Variants in UGT2B7 observed in about 807,000 individuals in gnomAD.
UGT2B7 encodes UDP glucuronosyltransferase family 2 member B7.
In UGT2B7, 51 loss-of-function variants were observed where a neutral mutation model predicts 51.9. The observed-to-expected ratio is 0.98, with a 90% CI of 0.78 to 1.24. The LOEUF is 1.24. Ranked by LOEUF, UGT2B7 falls within the 50% of genes most tolerant of loss-of-function variation. The probability of loss-of-function intolerance (pLI) is 0.00; values close to 1 mark genes in which losing one functional copy is unlikely to be tolerated. For synonymous variants in UGT2B7, 225 were observed against 211.6 expected (o/e 1.06, Z -0.55); for missense variants, 727 against 628.4 (o/e 1.16, Z -1.68).
chr4:69,080,228 A>T (rs1008385150), intron 1 of UGT2B7, among the ~76,000 whole-genome samples: 4 of 152,108 alleles, frequency 2.6e-5, no homozygotes, highest in African/African-American at 9.7e-5. Context: ...TGAAATATGA[A>T]ATATCTGATC....
At chr4:69,064,116 G>GAA (rs1250892640) in intron 1 of UGT2B7, among the ~76,000 whole-genome samples, 6 of 141,294 alleles carry the variant, frequency 4.2e-5, no homozygotes, top group East Asian at 2.1e-4. Context: ...GAAAGAAAAA[G>GAA]AAAGAAAGAA....
At chr4:69,099,853 T>C (rs535777273) in intron 2 of UGT2B7, among the ~76,000 whole-genome samples, 2 of 152,178 alleles carry the variant, frequency 1.3e-5, no homozygotes, top group African/African-American at 4.8e-5. Flanking sequence ...TATATTCTCT[T>C]GCAGAGTCAT....
intron 1 of UGT2B7, among the ~76,000 whole-genome samples, chr4:69,059,134 G>T (rs1295973769): frequency 1.3e-5 from 2 of 152,192 alleles, no homozygotes; most frequent in Admixed American, 6.5e-5. Flanking sequence ...GCTTCTCTTT[G>T]GGCCCTGAGA....
intron 1 of UGT2B7, among the ~76,000 whole-genome samples, chr4:69,082,366 C>A (rs541832805): frequency 6.6e-6 from 1 of 150,992 alleles, no homozygotes; most frequent in Non-Finnish European, 1.5e-5. Context: ...TAAAGTTAAG[C>A]CTCTTGCATC....
rs775959265 is a variant in UGT2B7, at chr4:69,102,812, G to A, written c.876G>A (p.Met292Ile). 14 of 1,612,034 alleles carry A rather than the reference G, an allele frequency of 8.7e-6. No individual in the cohort carries two copies. Among genetic ancestry groups the A allele is most frequent in the Non-Finnish European group, 1.2e-5 (14 of 1,179,270 alleles). Residue 292 changes from methionine (M) to isoleucine (I), a missense_variant, in exon 3 of 6, where the codon ATG becomes ATA. Coordinates refer to ENST00000305231, the MANE Select transcript of UGT2B7 (RefSeq NM_001074.4). ...AGCAAATTCTTTCTTCACAGGAAAT[G>A]GAAGACTTTGTACAGAGCTCTGGAG... ...CKPAKPLPKEMEDFVQSSGEN... is the reference protein window; with the variant it reads ...CKPAKPLPKEIEDFVQSSGEN...
chr4:69,089,267 C>T (rs11249527), intron 1 of UGT2B7, among the ~76,000 whole-genome samples: 87,722 of 151,924 alleles, frequency 0.58, 26,311 homozygotes, highest in African/African-American at 0.71. Context: ...ATTTGTGTAC[C>T]GTTTCTAGTA....
chr4:69,063,453 C>A lies in UGT2B7; in HGVS notation c.-159+11851C>A, dbSNP rs1718403720. On this transcript the variant is annotated intron_variant, in intron 1 of 5. Transcript: ENST00000502942. Reference sequence around the variant, plus strand: ...CATGCTTAATCACATCATAAGGTTGCAGGTGGTACTTGAAATCATCACTAA... The same window carrying A: ...CATGCTTAATCACATCATAAGGTTGAAGGTGGTACTTGAAATCATCACTAA... Among the ~76,000 whole-genome samples the A allele has an allele frequency of 2.0e-5, 3 of 151,938 alleles. No individual in the cohort carries two copies. In the South Asian group the frequency reaches 6.2e-4, roughly 31 times the overall value.
upstream of UGT2B7, among the ~76,000 whole-genome samples, chr4:69,094,906 T>A (rs916304778): frequency 1.3e-5 from 2 of 152,238 alleles, no homozygotes; most frequent in Non-Finnish European, 2.9e-5. Context: ...GTTCATAACA[T>A]CTTCACCAGG....
chr4:69,091,507 C>T (rs1211949362), upstream of UGT2B7, among the ~76,000 whole-genome samples: 2 of 151,686 alleles, frequency 1.3e-5, no homozygotes, highest in Admixed American at 6.6e-5. Context: ...TTTTGATTGC[C>T]GTAATAAACA....
At chr4:69,093,402 C>T (rs1719132932), upstream of UGT2B7, among the ~76,000 whole-genome samples, 1 of 152,208 alleles carries the variant, frequency 6.6e-6, no homozygotes, top group Non-Finnish European at 1.5e-5. Flanking sequence ...ACACTGCTAT[C>T]ACGGCTGGTT....
intron 2 of UGT2B7, among the ~76,000 whole-genome samples, chr4:69,090,321 A>C (rs74476790): frequency 0.01 from 1,588 of 152,288 alleles, 30 homozygotes; most frequent in African/African-American, 0.036. Context: ...TTGCCTATTA[A>C]ATTGGAATAT....
rs755713644 is a variant in UGT2B7, at chr4:69,098,529, A to G, written c.722-11A>G. On this transcript the variant is annotated splice_polypyrimidine_tract_variant and intron_variant, in intron 1 of 5. Transcript: ENST00000305231. ...TGTGTCATCCACCTTTTTTTTTTCT[A>G]TTCCTGTCAGGAAGACCCACTACAT... 9 of 1,541,236 alleles carry G rather than the reference A, an allele frequency of 5.8e-6. No homozygotes were observed. Among genetic ancestry groups the G allele is most frequent in the East Asian group, 2.4e-5 (1 of 41,982 alleles).
Position 69,097,149 on chromosome 4 carries a change from G to A in UGT2B7, c.629G>A (p.Arg210Lys), listed in dbSNP as rs1719265794. Residue 210 changes from arginine to lysine, a missense_variant, in exon 1 of 6, where the codon AGG (arginine) becomes AAG (lysine). Coordinates refer to ENST00000305231, the MANE Select transcript of UGT2B7 (RefSeq NM_001074.4). The stretch of plus-strand genomic sequence containing the variant: ...ACTGATCAAATGACTTTCATGGAGA[G>A]GGTAAAAAATATGATCTATGTGCTT... Reference protein sequence around the residue: ...ELTDQMTFMERVKNMIYVLYF... With the variant: ...ELTDQMTFMEKVKNMIYVLYF... The A allele has an allele frequency of 6.2e-7, 1 of 1,613,236 alleles. No homozygotes were observed. Among genetic ancestry groups the A allele is most frequent in the Non-Finnish European group, 8.5e-7 (1 of 1,179,610 alleles).
chr4:69,060,960 A>C (rs1007910772), intron 1 of UGT2B7, among the ~76,000 whole-genome samples: 12 of 152,268 alleles, frequency 7.9e-5, no homozygotes, highest in Admixed American at 7.8e-4. Context: ...TGGTAGATGA[A>C]GTGTTCTCAA....
chr4:69,056,230 A>G (rs1718192967), intron 1 of UGT2B7, among the ~76,000 whole-genome samples: 1 of 152,196 alleles, frequency 6.6e-6, no homozygotes, highest in Non-Finnish European at 1.5e-5. Flanking sequence ...ATCATACAAT[A>G]CTATGGACCT....
intron 1 of UGT2B7, among the ~76,000 whole-genome samples, chr4:69,069,102 TA>T (rs372073567): frequency 0.26 from 36,165 of 140,182 alleles, 5,289 homozygotes; most frequent in African/African-American, 0.43. Flanking sequence ...ACAGATACTT[TA>T]AAAAAAAAAA....
At chr4:69,099,901 C>T (rs1560509673) in intron 2 of UGT2B7, among the ~76,000 whole-genome samples, 2 of 151,904 alleles carry the variant, frequency 1.3e-5, no homozygotes, top group Non-Finnish European at 2.9e-5. Flanking sequence ...TAAAAGTAGA[C>T]ATATCAGTTT....
intron 1 of UGT2B7, among the ~76,000 whole-genome samples, chr4:69,088,535 A>C (rs76203731): frequency 0.025 from 3,761 of 152,202 alleles, 116 homozygotes; most frequent in South Asian, 0.12. Context: ...TTAATCTCAA[A>C]TGTTATACTT....
At chr4:69,110,529 C>T (rs1270368882) in intron 5 of UGT2B7, among the ~76,000 whole-genome samples, 2 of 151,964 alleles carry the variant, frequency 1.3e-5, no homozygotes, top group Non-Finnish European at 2.9e-5. Context: ...ACCCAAATAT[C>T]TATTAATCAT....
Sources: allele counts gnomAD v4.1 joint callset (sites outside exome capture counted in the v4.1 genomes callset), GRCh38; gene constraint gnomAD v4.1.1; transcripts MANE v1.5; gene names NCBI Gene and HGNC (gene_info 2026-07-23, HGNC 2026-07-21).